The following CHST11 variants were observed in gnomAD, a reference collection of about 807,000 sequenced individuals.
The protein encoded by CHST11 is C4S-1.
A neutral mutation model predicts 30.4 loss-of-function variants in CHST11; 9 were observed. The ratio of observed to expected loss-of-function variants is 0.30; its 90% confidence interval spans 0.18 to 0.52. CHST11 has a LOEUF of 0.52. Ranked by LOEUF, CHST11 falls within the 20% of genes least tolerant of loss-of-function variation. CHST11 has a pLI of 0.97. For missense variants in CHST11, 348 were observed against 460.6 expected, an observed-to-expected ratio of 0.76 and a Z score of 2.24; for synonymous variants, 152 against 187.8, an observed-to-expected ratio of 0.81 and a Z score of 1.56.
intron 2 of CHST11, among the ~76,000 whole-genome samples, chr12:104,604,850 G>C (rs1375503580): frequency 1.3e-5 from 2 of 152,158 alleles, no homozygotes; most frequent in Admixed American, 6.5e-5. Context: ...ATGACAAGAA[G>C]ATGTCATCTT....
intron 2 of CHST11, among the ~76,000 whole-genome samples, chr12:104,640,211 C>G (rs2039362117): frequency 6.6e-6 from 1 of 152,174 alleles, no homozygotes; most frequent in Admixed American, 6.5e-5. Flanking sequence ...TGTGATCCAG[C>G]AGTTGCACTC....
intron 1 of CHST11, among the ~76,000 whole-genome samples, chr12:104,537,794 C>G (rs2038251720): frequency 6.7e-6 from 1 of 149,666 alleles, no homozygotes. Flanking sequence ...TTCCCGGGCT[C>G]TGGTGATCCT....
chr12:104,677,324 G>C (rs1012752714), intron 2 of CHST11, among the ~76,000 whole-genome samples: 4 of 152,132 alleles, frequency 2.6e-5, no homozygotes, highest in African/African-American at 9.7e-5. Context: ...AACAAAACCT[G>C]GTTCTAACTA....
intron 2 of CHST11, among the ~76,000 whole-genome samples, chr12:104,687,789 T>A (rs990137594): frequency 6.6e-6 from 1 of 151,588 alleles, no homozygotes; most frequent in Non-Finnish European, 1.5e-5. Context: ...CCCCCCAAAA[T>A]TTTTTTTTCC....
intron 1 of CHST11, among the ~76,000 whole-genome samples, chr12:104,553,664 T>C (rs1485715123): frequency 1.3e-5 from 2 of 151,348 alleles, no homozygotes; most frequent in Non-Finnish European, 2.9e-5. Context: ...CTCACTATCA[T>C]GAGAACAGCA....
chr12:104,459,090 T>C (rs768544071), intron 1 of CHST11, among the ~76,000 whole-genome samples: 1 of 152,266 alleles, frequency 6.6e-6, no homozygotes, highest in African/African-American at 2.4e-5. Context: ...CTGTTAAAGA[T>C]GGCTTTTGTT....
At chr12:104,609,189 A>G (rs1323121449) in intron 2 of CHST11, among the ~76,000 whole-genome samples, 1 of 152,256 alleles carries the variant, frequency 6.6e-6, no homozygotes, top group Admixed American at 6.5e-5. Context: ...ACCACCTGGT[A>G]AATGACGAGT....
chr12:104,534,899 A>G (rs748762849), intron 1 of CHST11, among the ~76,000 whole-genome samples: 6 of 152,212 alleles, frequency 3.9e-5, no homozygotes, highest in Non-Finnish European at 7.3e-5. Context: ...GCAGAAGCCA[A>G]GTTTCTGATT....
chr12:104,498,816 A>G (rs2037825891), intron 1 of CHST11, among the ~76,000 whole-genome samples: 1 of 152,240 alleles, frequency 6.6e-6, no homozygotes, highest in African/African-American at 2.4e-5. Flanking sequence ...AGCCGATAAC[A>G]TTAAGGGTTT....
Position 104,631,606 on chromosome 12 carries a change from A to G in CHST11, c.204+29615A>G, listed in dbSNP as rs189994752. 2.2e-3 allele frequency among the ~76,000 whole-genome samples: 335 copies of G among 152,302 alleles called. 1 individual carries two copies. The highest frequency in any genetic ancestry group is 2.0e-3 in the Non-Finnish European group (134 of 68,026). On this transcript the variant is annotated intron_variant, in intron 2 of 2. Transcript: ENST00000303694. Reference sequence around the variant, plus strand: ...ATTCAGAGGAGTAAAGTTATGTTCCAGAGCTCCCCATGGGATCAGAATTAA... The same window carrying G: ...ATTCAGAGGAGTAAAGTTATGTTCCGGAGCTCCCCATGGGATCAGAATTAA...
chr12:104,576,645 C>G (rs2038686259), intron 1 of CHST11, among the ~76,000 whole-genome samples: 1 of 152,282 alleles, frequency 6.6e-6, no homozygotes, highest in African/African-American at 2.4e-5. Flanking sequence ...TGGTCATTTC[C>G]AAAGCCCAGG....
At chr12:104,630,963 C>T (rs911465894) in intron 2 of CHST11, among the ~76,000 whole-genome samples, 1 of 152,348 alleles carries the variant, frequency 6.6e-6, no homozygotes, top group South Asian at 2.1e-4. Context: ...CTCTCATTAA[C>T]ACTAGTGAGA....
At chr12:104,681,890 G>A (rs1192466079) in intron 2 of CHST11, among the ~76,000 whole-genome samples, 1 of 144,586 alleles carries the variant, frequency 6.9e-6, no homozygotes, top group Non-Finnish European at 1.5e-5. Flanking sequence ...GAGTGCAGTG[G>A]TGCGATCTCG....
rs76184944 is a variant in CHST11 at position 104,724,858 on chromosome 12, T to C, written c.205-32091T>C. On this transcript the variant is annotated intron_variant, in intron 2 of 2. Coordinates refer to ENST00000303694, the MANE Select transcript of CHST11 (RefSeq NM_018413.6). ...AGACAATGAATAATTTTATAGTATATGTATATCCCATGTGATATAGGGACA... is the reference window on the plus strand; with the variant it reads ...AGACAATGAATAATTTTATAGTATACGTATATCCCATGTGATATAGGGACA... 3.4e-3 allele frequency among the ~76,000 whole-genome samples: 517 copies of C among 152,332 alleles called. 3 individuals are homozygous for C. Among genetic ancestry groups the C allele is most frequent in the African/African-American group, 0.012 (498 of 41,564 alleles).
intron 2 of CHST11, among the ~76,000 whole-genome samples, chr12:104,692,512 CAG>C (rs1185348162): frequency 2.0e-5 from 3 of 152,196 alleles, no homozygotes; most frequent in Non-Finnish European, 1.5e-5. Flanking sequence ...AATTGAGACA[CAG>C]AGGTTAAATA....
intron 2 of CHST11, among the ~76,000 whole-genome samples, chr12:104,743,700 C>G (rs2040366432): frequency 6.6e-6 from 1 of 152,052 alleles, no homozygotes; most frequent in South Asian, 2.1e-4. Context: ...TGTACAGATT[C>G]TTTCATCACC....
At chr12:104,693,796 G>A (rs373454717) in intron 2 of CHST11, among the ~76,000 whole-genome samples, 8 of 152,280 alleles carry the variant, frequency 5.3e-5, no homozygotes, top group African/African-American at 1.9e-4. Flanking sequence ...GAGATGGAAT[G>A]GATACCAAGG....
chr12:104,726,537 A>G (rs1016467114), intron 2 of CHST11, among the ~76,000 whole-genome samples: 3 of 152,186 alleles, frequency 2.0e-5, no homozygotes, highest in African/African-American at 7.2e-5. Context: ...CCCAGTGATC[A>G]TGGACCACTG....
chr12:104,582,041 A>G (rs560402841), intron 1 of CHST11, among the ~76,000 whole-genome samples: 20 of 152,150 alleles, frequency 1.3e-4, no homozygotes, highest in African/African-American at 4.3e-4. Context: ...TCATCATTCT[A>G]TCCTTATTTC....
Sources: allele counts gnomAD v4.1 joint callset (sites outside exome capture counted in the v4.1 genomes callset), GRCh38; gene constraint gnomAD v4.1.1; transcripts MANE v1.5; gene names NCBI Gene and HGNC (gene_info 2026-07-23, HGNC 2026-07-21).